Variants in CCSER1 observed in about 807,000 individuals in gnomAD.
The protein encoded by CCSER1 is serine-rich coiled-coil domain-containing protein 1.
Under a neutral mutation model 82.0 loss-of-function variants are expected in CCSER1, and 41 were observed. The observed-to-expected ratio is 0.50, with a 90% CI of 0.39 to 0.65. The LOEUF is 0.65. Ranked by LOEUF, CCSER1 falls within the 30% of genes least tolerant of loss-of-function variation. The pLI is 0.00. For synonymous variants in CCSER1, 414 were observed against 383.9 expected, an observed-to-expected ratio of 1.08 and a Z score of -0.92; for missense variants, 1,119 against 1,064.2, an observed-to-expected ratio of 1.05 and a Z score of -0.72.
intron 10 of CCSER1, among the ~76,000 whole-genome samples, chr4:91,557,658 A>G (rs1762466119): frequency 6.6e-6 from 1 of 151,432 alleles, no homozygotes; most frequent in African/African-American, 2.4e-5. Context: ...TAAAGGTTGG[A>G]TGAGTTCCTA....
At chr4:90,402,520 C>G (rs1357772132) in intron 4 of CCSER1, among the ~76,000 whole-genome samples, 1 of 152,040 alleles carries the variant, frequency 6.6e-6, no homozygotes, top group African/African-American at 2.4e-5. Flanking sequence ...TAGACAAATT[C>G]TTAAAAATTG....
chr4:90,453,706 A>G (rs181079420), intron 4 of CCSER1, among the ~76,000 whole-genome samples: 12 of 152,320 alleles, frequency 7.9e-5, no homozygotes, highest in Admixed American at 7.2e-4. Context: ...TTCAGGCATG[A>G]TTAGAAAGCA....
At chr4:90,359,287 A>C (rs1361700192) in intron 3 of CCSER1, among the ~76,000 whole-genome samples, 9 of 152,216 alleles carry the variant, frequency 5.9e-5, no homozygotes, top group Admixed American at 2.0e-4. Context: ...AATGCTTTCA[A>C]AATTGTAAGC....
chr4:91,334,544 A>G (rs1747186185), intron 10 of CCSER1, among the ~76,000 whole-genome samples: 1 of 152,052 alleles, frequency 6.6e-6, no homozygotes, highest in African/African-American at 2.4e-5. Context: ...ACACTCACAC[A>G]CACACATTCA....
chr4:91,007,918 A>G (rs2150494113), intron 9 of CCSER1, among the ~76,000 whole-genome samples: 1 of 152,014 alleles, frequency 6.6e-6, no homozygotes, highest in South Asian at 2.1e-4. Flanking sequence ...GCTGTATCCC[A>G]TAGGTTTTGA....
chr4:90,633,692 A>G (rs1324115846), intron 6 of CCSER1, among the ~76,000 whole-genome samples: 5 of 151,952 alleles, frequency 3.3e-5, no homozygotes, highest in African/African-American at 1.2e-4. Flanking sequence ...AATAAACATA[A>G]AATTATTGGT....
At chr4:90,177,682 C>G (rs1732956234) in intron 1 of CCSER1, among the ~76,000 whole-genome samples, 1 of 152,056 alleles carries the variant, frequency 6.6e-6, no homozygotes, top group African/African-American at 2.4e-5. Flanking sequence ...CATTTGTAAG[C>G]CTAGAATCAA....
At chr4:90,654,142 G>A (rs1424955797) in intron 6 of CCSER1, among the ~76,000 whole-genome samples, 1 of 152,036 alleles carries the variant, frequency 6.6e-6, no homozygotes, top group African/African-American at 2.4e-5. Flanking sequence ...GATTTGGGTG[G>A]GGACATAAAT....
intron 10 of CCSER1, among the ~76,000 whole-genome samples, chr4:91,317,118 T>G (rs1346389596): frequency 4.6e-5 from 7 of 151,986 alleles, no homozygotes; most frequent in African/African-American, 1.2e-4. Flanking sequence ...ATTCCACAAT[T>G]TATACATATA....
At chr4:91,487,376 C>A (rs916032862) in intron 10 of CCSER1, among the ~76,000 whole-genome samples, 2 of 152,150 alleles carry the variant, frequency 1.3e-5, no homozygotes, top group Non-Finnish European at 2.9e-5. Context: ...ACAATTCTTA[C>A]TGCTCTTTTG....
chr4:91,588,087 C>G (rs1171604113), intron 10 of CCSER1, among the ~76,000 whole-genome samples: 1 of 151,024 alleles, frequency 6.6e-6, no homozygotes. Flanking sequence ...ATATTTTGTG[C>G]TTTGTTGATT....
At chr4:91,391,327 A>G (rs1434245164) in intron 10 of CCSER1, among the ~76,000 whole-genome samples, 1 of 152,098 alleles carries the variant, frequency 6.6e-6, no homozygotes, top group African/African-American at 2.4e-5. Flanking sequence ...TTGAGACAGC[A>G]TCTCACTCTG....
chr4:91,221,127 A>G (rs944410972), intron 10 of CCSER1, among the ~76,000 whole-genome samples: 3 of 152,144 alleles, frequency 2.0e-5, no homozygotes, highest in Non-Finnish European at 4.4e-5. Flanking sequence ...TTTACATAGC[A>G]TCATATATAA....
chr4:90,374,255 T>G (rs2153527429), intron 3 of CCSER1, among the ~76,000 whole-genome samples: 1 of 152,338 alleles, frequency 6.6e-6, no homozygotes, highest in South Asian at 2.1e-4. Context: ...GTTGATCACA[T>G]TAATGGTCAA....
At position 91,037,694 on chromosome 4, in the gene CCSER1, C is replaced by T. The variant is rs147211246; in HGVS notation, c.2173-48256C>T. On this transcript the variant is annotated intron_variant, in intron 9 of 10. Transcript: ENST00000509176. ...TAAAAATGAAAGAAAGATAACTCCA[C>T]GGAGAAAGATTTGTGTGCATATTTA... Among the ~76,000 whole-genome samples the T allele has an allele frequency of 9.1e-4, 138 of 151,914 alleles. 1 individual carries two copies. In the East Asian group the frequency reaches 0.024, roughly 26 times the overall value.
At chr4:90,900,428 A>G (rs953621526) in intron 8 of CCSER1, among the ~76,000 whole-genome samples, 2 of 151,764 alleles carry the variant, frequency 1.3e-5, no homozygotes, top group Non-Finnish European at 2.9e-5. Flanking sequence ...TTTCGTTTGA[A>G]ATTTAGTAAT....
intron 10 of CCSER1, among the ~76,000 whole-genome samples, chr4:91,581,574 C>T (rs1763729048): frequency 6.6e-6 from 1 of 151,608 alleles, no homozygotes; most frequent in African/African-American, 2.4e-5. Flanking sequence ...GGATAAGCAG[C>T]TGACAGGGTT....
At chr4:90,730,519 C>T (rs557889521) in intron 7 of CCSER1, among the ~76,000 whole-genome samples, 2 of 152,060 alleles carry the variant, frequency 1.3e-5, no homozygotes, top group South Asian at 4.2e-4. Flanking sequence ...GAACTAAATC[C>T]CTGCATTAAT....
At chr4:91,207,352 C>CT (rs11300898) in intron 10 of CCSER1, among the ~76,000 whole-genome samples, 11 of 150,944 alleles carry the variant, frequency 7.3e-5, no homozygotes, top group South Asian at 6.2e-4. Context: ...CTTTTCTTTT[C>CT]TTTTTTTTTG....
Sources: gnomAD v4.1 joint callset for allele counts (sites outside exome capture counted in the v4.1 genomes callset) on GRCh38, gnomAD v4.1.1 for gene constraint, MANE v1.5 for transcripts, NCBI Gene and HGNC (gene_info 2026-07-23, HGNC 2026-07-21) for gene names.